DLGAP4: variants seen among roughly 807,000 people sequenced by gnomAD.
DLGAP4 encodes the protein DLG associated protein 4.
A neutral mutation model predicts 86.9 loss-of-function variants in DLGAP4; 18 were observed. The ratio of observed to expected loss-of-function variants is 0.21; its 90% CI spans 0.14 to 0.31. The LOEUF (loss-of-function observed/expected upper bound fraction) is 0.31, where lower values mean the gene tolerates loss of function less well. DLGAP4 is among the 10% of genes least tolerant of loss of function. The pLI is 1.00. For missense variants in DLGAP4, 1,085 were observed against 1,362.6 expected (o/e 0.80, Z 3.21); for synonymous variants, 548 against 574.3 (o/e 0.95, Z 0.65).
At chr20:36,383,040 A>G (rs1311124229) in intron 2 of DLGAP4, among the ~76,000 whole-genome samples, 7 of 152,114 alleles carry the variant, frequency 4.6e-5, no homozygotes, top group Non-Finnish European at 1.0e-4. Flanking sequence ...CACCATCTTA[A>G]TGCACCACAA....
chr20:36,389,091 AG>A lies in DLGAP4; in HGVS notation c.-73+21817del, dbSNP rs555115219. Among the ~76,000 whole-genome samples, 463 of 152,326 alleles carry A rather than the reference AG, an allele frequency of 3.0e-3. 2 individuals are homozygous for A. The highest frequency in any genetic ancestry group is 0.011 in the African/African-American group (448 of 41,572). On this transcript the variant is annotated intron_variant, in intron 2 of 12. Coordinates refer to ENST00000339266, the MANE Select transcript of DLGAP4 (RefSeq NM_001365621.2). The stretch of plus-strand genomic sequence containing the variant: ...GGAAGAGCAGGTTTGCAGGGTCAGG[AG>A]TTCAGGTTTAGACATGACAAGTTGG...
chr20:36,382,027 G>A (rs528794534), intron 2 of DLGAP4, among the ~76,000 whole-genome samples: 1 of 152,298 alleles, frequency 6.6e-6, no homozygotes, highest in Admixed American at 6.5e-5. Context: ...TGGGCATGGA[G>A]CATCCAGCAC....
rs141542744 is a variant in DLGAP4 at position 36,431,833 on chromosome 20, C to G, written c.116C>G (p.Ala39Gly). 3.7e-6 allele frequency: 6 copies of G among 1,613,940 alleles called. No individual in the cohort carries two copies. In the South Asian group the frequency reaches 5.5e-5, roughly 15 times the overall value. The change falls in exon 3 of 13, where the codon GCC becomes GGC. Residue 39 changes from alanine (A) to glycine (G), a missense_variant. Transcript: ENST00000339266. The surrounding 1 kb of genome is among the most constrained non-coding windows in gnomAD (Gnocchi z 5.1). ...RNPYLLSPTE[A>G]FAREARFPGQ... ...CCCTACCTGCTGTCGCCCACGGAGG[C>G]CTTCGCCCGCGAGGCCCGCTTCCCC...
chr20:36,444,467 G>C (rs1411430848), intron 6 of DLGAP4, among the ~76,000 whole-genome samples: 5 of 151,766 alleles, frequency 3.3e-5, no homozygotes, highest in South Asian at 2.1e-4. Context: ...TTAGAGACAG[G>C]GTCTCGCTGT....
intron 1 of DLGAP4, among the ~76,000 whole-genome samples, chr20:36,323,104 G>A (rs2065184824): frequency 1.3e-5 from 2 of 150,372 alleles, no homozygotes; most frequent in African/African-American, 4.9e-5. Flanking sequence ...CTTGAGCCTG[G>A]GAGGTTGAGG....
rs1290751715 is a variant in DLGAP4, at chr20:36,526,971, A to G, written c.2919A>G (p.Ser973=). The change falls in exon 13 of 13, where the codon TCA becomes TCG. Residue 973 remains serine (S), a synonymous_variant. Coordinates refer to ENST00000339266, the MANE Select transcript of DLGAP4 (RefSeq NM_001365621.2). ...GGGCAGCTTCTGTGCGGCAGAACTC[A>G]GCCACCGAGAGCGCAGACAGCATCG... ...AKRAASVRQN[S]ATESADSIEI... 1.2e-6 allele frequency: 2 copies of G among 1,611,140 alleles called. No individual in the cohort carries two copies. The highest frequency in any genetic ancestry group is 3.4e-5 in the Admixed American group (2 of 59,694).
chr20:36,415,855 G>A (rs2032638170), intron 2 of DLGAP4, among the ~76,000 whole-genome samples: 1 of 152,180 alleles, frequency 6.6e-6, no homozygotes, highest in Non-Finnish European at 1.5e-5. Flanking sequence ...GAGGCCTGGA[G>A]ATGGAGGGGA....
At chr20:36,310,773 G>T (rs1270278312) in intron 1 of DLGAP4, among the ~76,000 whole-genome samples, 4 of 152,200 alleles carry the variant, frequency 2.6e-5, no homozygotes, top group Non-Finnish European at 5.9e-5. Context: ...CGTGGGGCTG[G>T]CGAGGCTTGG....
chr20:36,366,616 G>C (rs985451198), intron 1 of DLGAP4, among the ~76,000 whole-genome samples: 1 of 152,160 alleles, frequency 6.6e-6, no homozygotes, highest in Non-Finnish European at 1.5e-5. Context: ...CTCAGAAAGG[G>C]GAAGCTGCCT....
intron 2 of DLGAP4, among the ~76,000 whole-genome samples, chr20:36,382,527 C>CTTTTTT (rs749210064): frequency 1.7e-4 from 19 of 110,458 alleles, no homozygotes; most frequent in Non-Finnish European, 2.5e-4. Context: ...TTCTTTTTTT[C>CTTTTTT]TTTTTTTTTT....
intron 7 of DLGAP4, among the ~76,000 whole-genome samples, chr20:36,459,401 G>A (rs2033963815): frequency 1.3e-5 from 2 of 152,146 alleles, no homozygotes; most frequent in Admixed American, 1.3e-4. Context: ...TTTGGAGACA[G>A]TGTCTCACTC....
intron 2 of DLGAP4, among the ~76,000 whole-genome samples, chr20:36,377,973 G>A (rs1422875396): frequency 6.6e-6 from 1 of 152,166 alleles, no homozygotes; most frequent in Non-Finnish European, 1.5e-5. Context: ...GCTACTCCTC[G>A]GGCCTGGTCC....
At chr20:36,496,372 G>T (rs1172852205) in intron 7 of DLGAP4, among the ~76,000 whole-genome samples, 1 of 152,334 alleles carries the variant, frequency 6.6e-6, no homozygotes, top group East Asian at 1.9e-4. Flanking sequence ...GTCAGGGTCT[G>T]TCACAGCCTC....
intron 4 of DLGAP4, among the ~76,000 whole-genome samples, chr20:36,439,208 A>G (rs938946639): frequency 1.3e-5 from 2 of 152,196 alleles, no homozygotes; most frequent in African/African-American, 2.4e-5. Flanking sequence ...GGCAGGTAGC[A>G]TCATCCCCAT....
chr20:36,501,325 CAG>C (rs57185056), intron 10 of DLGAP4, among the ~76,000 whole-genome samples: 1,643 of 152,312 alleles, frequency 0.011, 32 homozygotes, highest in African/African-American at 0.035. Context: ...CTCTGCCTCC[CAG>C]AGTGCTGGGA....
chr20:36,453,759 C>T (rs1431519895), intron 7 of DLGAP4, among the ~76,000 whole-genome samples: 1 of 150,210 alleles, frequency 6.7e-6, no homozygotes, highest in African/African-American at 2.4e-5. Flanking sequence ...ATGGTGAAAC[C>T]CTGTCTCTGC....
Position 36,363,179 on chromosome 20 carries a change from C to T in DLGAP4, c.-303-3866C>T, listed in dbSNP as rs567858766. ...GCACGTGCAAAGGCCCTGAGCTAGGCACGTGCCTGGTATATTTGAGGAACA... is the reference window on the plus strand; with the variant it reads ...GCACGTGCAAAGGCCCTGAGCTAGGTACGTGCCTGGTATATTTGAGGAACA... On this transcript the variant is annotated intron_variant, in intron 1 of 12. Coordinates refer to ENST00000339266, the MANE Select transcript of DLGAP4 (RefSeq NM_001365621.2). Among the ~76,000 whole-genome samples, 6 of 152,282 alleles carry T rather than the reference C, an allele frequency of 3.9e-5. No homozygotes were observed. In the South Asian group the frequency reaches 1.2e-3, roughly 32 times the overall value.
intron 7 of DLGAP4, among the ~76,000 whole-genome samples, chr20:36,475,367 T>A (rs766142645): frequency 2.9e-4 from 44 of 151,938 alleles, no homozygotes; most frequent in Non-Finnish European, 4.7e-4. Context: ...CCTGCCACCA[T>A]GCCTGGCTAA....
chr20:36,309,120 C>A lies in DLGAP4; in HGVS notation c.-304+2608C>A, dbSNP rs74272534. Reference sequence around the variant, plus strand: ...TCCTCTGCCTGAACATCCCCAGCCCCCTTCTCCCACGTGCCTGTTTCACTA... The same window carrying A: ...TCCTCTGCCTGAACATCCCCAGCCCACTTCTCCCACGTGCCTGTTTCACTA... On this transcript the variant is annotated intron_variant, in intron 1 of 12. Transcript: ENST00000339266. Among the ~76,000 whole-genome samples the A allele has an allele frequency of 3.7e-4, 56 of 152,298 alleles. 1 individual carries two copies. The East Asian group carries it at 0.01, about 28-fold the overall frequency.
Sources: gnomAD v4.1 joint callset for allele counts (sites outside exome capture counted in the v4.1 genomes callset) on GRCh38, gnomAD v4.1.1 for gene constraint, Gnocchi (gnomAD v3.1) non-coding constraint, MANE v1.5 for transcripts, NCBI Gene and HGNC (gene_info 2026-07-23, HGNC 2026-07-21) for gene names.